REL: variants seen among roughly 807,000 people sequenced by gnomAD.
REL encodes the protein proto-oncogene c-Rel.
REL carries 15 observed loss-of-function variants against 45.9 expected under a neutral mutation model. The ratio of observed to expected loss-of-function variants is 0.33; its 90% confidence interval spans 0.22 to 0.50. REL has a LOEUF of 0.50. REL is among the 20% of genes least tolerant of loss of function. The pLI is 0.98. For synonymous variants in REL, 239 were observed against 242.1 expected, an observed-to-expected ratio of 0.99 and a Z score of 0.12; for missense variants, 601 against 715.2, an observed-to-expected ratio of 0.84 and a Z score of 1.82.
chr2:60,898,898 A>G (rs1322619411), intron 3 of REL: 2 of 152,232 alleles, frequency 1.3e-5, no homozygotes, highest in African/African-American at 2.4e-5. Flanking sequence ...TACGAACCCC[A>G]AAGCTTGTTG....
chr2:60,908,932 T>C (rs957724584), intron 4 of REL, among the ~76,000 whole-genome samples: 2 of 152,210 alleles, frequency 1.3e-5, no homozygotes, highest in Admixed American at 1.3e-4. Flanking sequence ...AAGTCTGGTC[T>C]AATACAAGAA....
rs1674344456 is a variant in REL at position 60,929,640 on chromosome 2, G to A, written c.*7105G>A. 2 of 139,682 alleles carry A rather than the reference G, an allele frequency of 1.4e-5. No individual in the cohort carries two copies. The highest frequency in any genetic ancestry group is 4.6e-4 in the South Asian group (2 of 4,342). The allele number at this position is 139,682 out of a possible 1,614,324, so 8.7% of individuals were successfully genotyped here. ...GAACAATGAGAACACATGGACACAGGAAGGGGAATATCACACTGGGGACTG... is the reference window on the plus strand; with the variant it reads ...GAACAATGAGAACACATGGACACAGAAAGGGGAATATCACACTGGGGACTG... On this transcript the variant is annotated 3_prime_UTR_variant, in exon 10 of 10. Coordinates refer to ENST00000394479, the MANE Select transcript of REL (RefSeq NM_001291746.2).
Position 60,928,785 on chromosome 2 carries a change from C to T in REL, c.*6250C>T, listed in dbSNP as rs1474186319. On this transcript the variant is annotated 3_prime_UTR_variant, in exon 10 of 10. Transcript: ENST00000394479. The stretch of plus-strand genomic sequence containing the variant: ...ATGGGCAAGGACTTCATGTCTAAAA[C>T]ACCAAAAGCAATGGCAACAAAAGCC... 2 of 145,754 alleles carry T rather than the reference C, an allele frequency of 1.4e-5. No individual in the cohort carries two copies. Among genetic ancestry groups the T allele is most frequent in the Non-Finnish European group, 3.1e-5 (2 of 65,454 alleles). The allele number at this position is 145,754 out of a possible 1,614,324, so 9.0% of individuals were successfully genotyped here.
At chr2:60,901,224 C>T (rs1190155402) in intron 4 of REL, 141 bp downstream of exon 4, 1 of 1,067,566 alleles carries the variant, frequency 9.4e-7, no homozygotes, top group East Asian at 3.9e-5. Flanking sequence ...GGCGCGATCT[C>T]AGCTCACTGC....
At chr2:60,921,543 T>G (rs1674140601) in intron 9 of REL, among the ~76,000 whole-genome samples, 1 of 152,220 alleles carries the variant, frequency 6.6e-6, no homozygotes, top group Non-Finnish European at 1.5e-5. Flanking sequence ...GCCAAAATCA[T>G]TTTACCTGTA....
chr2:60,888,284 CTT>C (rs1673119739), intron 1 of REL, among the ~76,000 whole-genome samples: 1 of 152,076 alleles, frequency 6.6e-6, no homozygotes, highest in African/African-American at 2.4e-5. Flanking sequence ...CACACTCTCT[CTT>C]CCCAAAGTTA....
At chr2:60,883,230 A>G (rs1482376222) in intron 1 of REL, among the ~76,000 whole-genome samples, 1 of 152,236 alleles carries the variant, frequency 6.6e-6, no homozygotes, top group Non-Finnish European at 1.5e-5. Flanking sequence ...AAGTAGGCTG[A>G]TGTCTAGTAG....
rs752630331 is a variant in REL at position 60,917,053 on chromosome 2, C to T, written c.535+36C>T. The T allele has an allele frequency of 4.5e-6, 7 of 1,557,038 alleles. No homozygotes were observed. The African/African-American group carries it at 9.6e-5, about 21-fold the overall frequency. ...CATTTTCTTATATTTGTAGTCTTAACTTGTTTTTTGTAATAGTTTAATTCT... is the reference window on the plus strand; with the variant it reads ...CATTTTCTTATATTTGTAGTCTTAATTTGTTTTTTGTAATAGTTTAATTCT... On this transcript the variant is annotated intron_variant, in intron 5 of 9. Transcript: ENST00000394479.
rs1674178865 is a variant in REL, at chr2:60,922,758, CAG to C, written c.*226_*227del. On this transcript the variant is annotated 3_prime_UTR_variant, in exon 10 of 10. Transcript: ENST00000394479. ...TGGAAGCTGTCATAAAAAGACAACTCAGAGGCCAGGCGCAGGGGCTCACACCT... is the reference window on the plus strand; with the variant it reads ...TGGAAGCTGTCATAAAAAGACAACTCAGGCCAGGCGCAGGGGCTCACACCT... 1 of 1,135,856 alleles carries C rather than the reference CAG, an allele frequency of 8.8e-7. No individual in the cohort carries two copies. The highest frequency in any genetic ancestry group is 1.6e-5 in the African/African-American group (1 of 61,588). The allele number at this position is 1,135,856 out of a possible 1,614,324, so 70.4% of individuals were successfully genotyped here.
chr2:60,903,659 G>A (rs184355375), intron 4 of REL, among the ~76,000 whole-genome samples: 3 of 152,074 alleles, frequency 2.0e-5, no homozygotes, highest in East Asian at 3.9e-4. Flanking sequence ...TCAGCCTCTC[G>A]AGTAGTTGGA....
chr2:60,921,888 G>A lies in REL; in HGVS notation c.1117G>A (p.Ala373Thr). Residue 373 changes from alanine to threonine, a missense_variant, in exon 10 of 10, where the codon GCA becomes ACA. Physicochemically the swap from Ala to Thr is moderately conservative, Grantham distance 58. Around this residue, in one of 4 missense-constraint regions of REL, gnomAD observed 334 missense variants for 333.1 expected, o/e 1.00. Transcript: ENST00000394479. The stretch of plus-strand genomic sequence containing the variant: ...TGGATTGTCACATCATGCCTCAATG[G>A]CACCTCTGCCTTCTTCAAGCTGGTC... Reference protein sequence around the residue: ...SSGLSHHASMAPLPSSSWSSV... With the variant: ...SSGLSHHASMTPLPSSSWSSV... The A allele has an allele frequency of 6.2e-7, 1 of 1,613,938 alleles. No homozygotes were observed. The highest frequency in any genetic ancestry group is 8.5e-7 in the Non-Finnish European group (1 of 1,179,988).
chr2:60,906,601 C>T (rs1673657537), intron 4 of REL, among the ~76,000 whole-genome samples: 1 of 152,090 alleles, frequency 6.6e-6, no homozygotes. Flanking sequence ...CTTCCTCTAC[C>T]ACTGAGTGCA....
At chr2:60,909,136 A>C (rs1673737707) in intron 4 of REL, among the ~76,000 whole-genome samples, 1 of 152,038 alleles carries the variant, frequency 6.6e-6, no homozygotes, top group African/African-American at 2.4e-5. Context: ...GTATTATATA[A>C]TTTTAGTTTA....
rs1673978296 is a variant in REL, at chr2:60,916,878, C to T, written c.396C>T (p.Val132=). 2 of 1,609,656 alleles carry T rather than the reference C, an allele frequency of 1.2e-6. No individual in the cohort carries two copies. The highest frequency in any genetic ancestry group is 8.5e-7 in the Non-Finnish European group (1 of 1,178,224). Residue 132 remains valine (V), a splice_region_variant and synonymous_variant, in exon 5 of 10, where the codon GTC becomes GTT. Coordinates refer to ENST00000394479, the MANE Select transcript of REL (RefSeq NM_001291746.2). ...AAAAAATTTTTTTTTTCTATTCAGT[C>T]CCTGAAAAACAGCTGAATGATATTG... ...RIKAGINPFN[V]PEKQLNDIED...
intron 4 of REL, among the ~76,000 whole-genome samples, chr2:60,903,055 C>T (rs1356982828): frequency 6.6e-6 from 1 of 152,086 alleles, no homozygotes; most frequent in Non-Finnish European, 1.5e-5. Context: ...GATTCATTGC[C>T]AAATTAATAG....
intron 1 of REL, among the ~76,000 whole-genome samples, chr2:60,887,979 G>GT (rs1209940752): frequency 6.6e-6 from 1 of 151,108 alleles, no homozygotes; most frequent in Non-Finnish European, 1.5e-5. Context: ...CCAGGCTAGA[G>GT]TGCAGTGGTA....
At chr2:60,886,566 G>A (rs34013267) in intron 1 of REL, among the ~76,000 whole-genome samples, 7,489 of 152,136 alleles carry the variant, frequency 0.049, 277 homozygotes, top group Non-Finnish European at 0.075. Context: ...TTCAAATGGA[G>A]ATTAAAGTTA....
chr2:60,890,409 TGGGG>T (rs905038140), intron 1 of REL, among the ~76,000 whole-genome samples: 3 of 152,180 alleles, frequency 2.0e-5, no homozygotes, highest in African/African-American at 7.2e-5. Context: ...AAGAAGTAGC[TGGGG>T]TAGGATTCTA....
chr2:60,884,161 G>T (rs1310703716), intron 1 of REL, among the ~76,000 whole-genome samples: 4 of 150,276 alleles, frequency 2.7e-5, no homozygotes, highest in African/African-American at 9.8e-5. Flanking sequence ...TCTGTTTGTA[G>T]TAAGGTAGTA....
Sources: gnomAD v4.1 joint callset for allele counts (sites outside exome capture counted in the v4.1 genomes callset) on GRCh38, gnomAD v4.1.1 for gene constraint, gnomAD v4.1.1 regional missense constraint, MANE v1.5 for transcripts, NCBI Gene and HGNC (gene_info 2026-07-23, HGNC 2026-07-21) for gene names.